Variants in S100A13 observed in about 807,000 individuals in gnomAD.
S100A13 encodes S100 calcium binding protein A13.
Under a neutral mutation model 8.2 loss-of-function variants are expected in S100A13, and 6 were observed. That is an observed-to-expected ratio of 0.73 (90% CI 0.40 to 1.44). The LOEUF (loss-of-function observed/expected upper bound fraction) is 1.44, where lower values mean the gene tolerates loss of function less well. Ranked by LOEUF, S100A13 falls within the 40% of genes most tolerant of loss-of-function variation. The probability of loss-of-function intolerance (pLI) is 0.02; values close to 1 mark genes in which losing one functional copy is unlikely to be tolerated. For synonymous variants in S100A13, 39 were observed against 45.9 expected (o/e 0.85, Z 0.61); for missense variants, 114 against 113.6 (o/e 1.00, Z -0.02).
chr1:153,633,986 C>T (rs907882063), upstream of S100A13: 2 of 152,374 alleles, frequency 1.3e-5, no homozygotes, highest in African/African-American at 4.8e-5. Context: ...CAAATCTTTC[C>T]CGCCCTCTAG....
At chr1:153,626,742 A>C in intron 1 of S100A13, 1 of 395,280 alleles carries the variant, frequency 2.5e-6, no homozygotes, top group South Asian at 4.6e-5. Flanking sequence ...TCAGCTCCAG[A>C]AACCCCCTCT....
At chr1:153,630,636 C>T (rs751938980), upstream of S100A13, 6 of 1,614,098 alleles carry the variant, frequency 3.7e-6, no homozygotes, top group Non-Finnish European at 5.1e-6. Flanking sequence ...AGAGCTGCTG[C>T]AGACGGAGCT....
chr1:153,620,493 A>G (rs1280473020), intron 2 of S100A13, among the ~76,000 whole-genome samples: 1 of 151,938 alleles, frequency 6.6e-6, no homozygotes, highest in Non-Finnish European at 1.5e-5. Context: ...ACAGAAACAA[A>G]ACAAAGGCCA....
chr1:153,626,671 G>A (rs1438834816), intron 1 of S100A13, 138 bp from the exon 2 acceptor site: 1 of 539,414 alleles, frequency 1.9e-6, no homozygotes, highest in East Asian at 2.9e-5. Flanking sequence ...GAGAGGACAG[G>A]GGTTGAGCTT....
intron 2 of S100A13, among the ~76,000 whole-genome samples, chr1:153,620,244 G>A (rs138397643): frequency 2.6e-5 from 4 of 152,004 alleles, no homozygotes; most frequent in Admixed American, 6.6e-5. Flanking sequence ...CAGAGATCGC[G>A]CCATTGCACT....
chr1:153,628,585 T>C (rs1667816041), upstream of S100A13: 12 of 1,520,298 alleles, frequency 7.9e-6, no homozygotes, highest in Non-Finnish European at 1.1e-5. Flanking sequence ...CTGGGGACCA[T>C]AGCACTGTGG....
chr1:153,618,936 C>T lies in S100A13; in HGVS notation c.256G>A (p.Glu86Lys). 1 of 1,614,118 alleles carries T rather than the reference C, an allele frequency of 6.2e-7. No individual in the cohort carries two copies. The highest frequency in any genetic ancestry group is 1.1e-5 in the South Asian group (1 of 91,082). ...YWRLIGELAK[E>K]IRKKKDLKIR... ...TTCAGGTCTTTCTTCTTCCTGATTT[C>T]CTTGGCCAGCTCCCCAATCAATCTC... is the stretch of plus-strand genomic sequence containing the variant. The change falls in exon 3 of 3, where the codon GAA (glutamate) becomes AAA (lysine). Residue 86 changes from glutamate (E) to lysine (K), a missense_variant. Glu to Lys is a moderately conservative substitution (Grantham distance 56). Coordinates refer to ENST00000476133, the MANE Select transcript of S100A13 (RefSeq NM_001024211.2).
intron 2 of S100A13, among the ~76,000 whole-genome samples, chr1:153,620,388 G>A (rs1667162128): frequency 6.6e-6 from 1 of 151,530 alleles, no homozygotes; most frequent in Non-Finnish European, 1.5e-5. Flanking sequence ...TTGAGTGTGG[G>A]AGGCAGAGGC....
At chr1:153,632,003 A>T, upstream of S100A13, 1 of 693,398 alleles carries the variant, frequency 1.4e-6, no homozygotes, top group Non-Finnish European at 2.3e-6. Context: ...CAAGCCTGCA[A>T]CTCATCTTTC....
At chr1:153,620,720 G>A (rs911938359) in intron 2 of S100A13, among the ~76,000 whole-genome samples, 2 of 152,302 alleles carry the variant, frequency 1.3e-5, no homozygotes, top group African/African-American at 4.8e-5. Flanking sequence ...GTAATTTAAA[G>A]TATACAGGAG....
rs1241754388 is a variant in S100A13 at position 153,626,309 on chromosome 1, C to T, written c.153+11G>A. 6.2e-7 allele frequency: 1 copy of T among 1,613,366 alleles called. No individual in the cohort carries two copies. Among genetic ancestry groups the T allele is most frequent in the Non-Finnish European group, 8.5e-7 (1 of 1,179,364 alleles). ...CATCTCACAAAATCTCAGTCCCAGA[C>T]TTCTGCCTACCTTGAGCAGATGGGG... On this transcript the variant is annotated intron_variant, in intron 2 of 2. Coordinates refer to ENST00000476133, the MANE Select transcript of S100A13 (RefSeq NM_001024211.2).
chr1:153,626,268 A>G, intron 2 of S100A13, 52 bp downstream of exon 2: 2 of 1,553,070 alleles, frequency 1.3e-6, no homozygotes, highest in Non-Finnish European at 1.8e-6. Context: ...TCCTAAACAC[A>G]GTGTCCCATA....
upstream of S100A13, chr1:153,630,663 G>A (rs756150979): frequency 3.7e-6 from 6 of 1,614,146 alleles, no homozygotes; most frequent in East Asian, 2.2e-5. Flanking sequence ...CTTCCTGGAT[G>A]TGAGCATAGA....
chr1:153,623,209 G>A (rs1028503994), intron 2 of S100A13, among the ~76,000 whole-genome samples: 2 of 152,070 alleles, frequency 1.3e-5, no homozygotes, highest in South Asian at 4.1e-4. Context: ...TTTTTGAGAC[G>A]GAGTCTCGCT....
chr1:153,623,934 G>A (rs74118314), intron 2 of S100A13, among the ~76,000 whole-genome samples: 3,442 of 152,340 alleles, frequency 0.023, 119 homozygotes, highest in African/African-American at 0.079. Flanking sequence ...GTTGAGAACA[G>A]AGAGAGACAG....
upstream of S100A13, chr1:153,634,281 C>G (rs1242835843): frequency 6.5e-6 from 1 of 152,910 alleles, no homozygotes; most frequent in African/African-American, 2.4e-5. Context: ...CGGCCGGTCC[C>G]CGGCCCGCCT....
At chr1:153,621,457 T>C (rs1159456346) in intron 2 of S100A13, among the ~76,000 whole-genome samples, 1 of 151,436 alleles carries the variant, frequency 6.6e-6, no homozygotes, top group Non-Finnish European at 1.5e-5. Context: ...ACGCCCGGCC[T>C]ACAGGATTCT....
chr1:153,631,410 G>GATTAAATTAATT, upstream of S100A13: 1 of 1,449,326 alleles, frequency 6.9e-7, no homozygotes, highest in Non-Finnish European at 9.4e-7. Flanking sequence ...ATTTGTATTA[G>GATTAAATTAATT]AATTAAATTA....
chr1:153,628,360 T>C (rs1347078844), upstream of S100A13: 1 of 1,541,298 alleles, frequency 6.5e-7, no homozygotes, highest in Non-Finnish European at 8.8e-7. Flanking sequence ...TGTTCGTCTG[T>C]GAAGGGGTGG....
Sources: allele counts gnomAD v4.1 joint callset (sites outside exome capture counted in the v4.1 genomes callset), GRCh38; gene constraint gnomAD v4.1.1; transcripts MANE v1.5; gene names NCBI Gene and HGNC (gene_info 2026-07-23, HGNC 2026-07-21).